INSYN2A: variants seen among roughly 807,000 people sequenced by gnomAD.
The protein encoded by INSYN2A is inhibitory synaptic factor 2A, also known as family with sequence similarity 196 member A.
INSYN2A carries 17 observed loss-of-function variants against 39.4 expected under a neutral mutation model. That is an observed-to-expected ratio of 0.43 (90% CI 0.30 to 0.65). INSYN2A has a LOEUF of 0.65. Among genes scored for constraint, INSYN2A ranks in the 30% least tolerant of loss-of-function variants. The probability of loss-of-function intolerance (pLI) is 0.14; values close to 1 mark genes in which losing one functional copy is unlikely to be tolerated. For missense variants in INSYN2A, 595 were observed against 631.2 expected (o/e 0.94, Z 0.61); for synonymous variants, 255 against 265.7 (o/e 0.96, Z 0.39).
At chr10:127,179,742 C>T (rs2055544674) in intron 2 of INSYN2A, among the ~76,000 whole-genome samples, 1 of 152,166 alleles carries the variant, frequency 6.6e-6, no homozygotes, top group South Asian at 2.1e-4. Flanking sequence ...CAAGTGGAAC[C>T]TTCTCCCACA....
intron 5 of INSYN2A, among the ~76,000 whole-genome samples, chr10:127,150,629 C>T (rs1314920796): frequency 6.6e-6 from 1 of 152,182 alleles, no homozygotes; most frequent in Non-Finnish European, 1.5e-5. Flanking sequence ...AGATTTGTTC[C>T]TGGACCTGTT....
chr10:127,182,272 T>A (rs2055808534), intron 2 of INSYN2A, among the ~76,000 whole-genome samples: 1 of 152,176 alleles, frequency 6.6e-6, no homozygotes, highest in South Asian at 2.1e-4. Context: ...CCCCCACTCA[T>A]GCATATCTGC....
intron 1 of INSYN2A, among the ~76,000 whole-genome samples, chr10:127,195,134 C>T (rs559486198): frequency 1.3e-5 from 2 of 152,316 alleles, no homozygotes; most frequent in Middle Eastern, 6.8e-3. Flanking sequence ...GCTGAGGTCA[C>T]AGGGAGCGGC....
At chr10:127,140,455 C>G (rs1014958680) in intron 5 of INSYN2A, among the ~76,000 whole-genome samples, 1 of 152,200 alleles carries the variant, frequency 6.6e-6, no homozygotes, top group African/African-American at 2.4e-5. Context: ...GCCCCCCAGC[C>G]CATCTCCCCA....
At chr10:127,154,181 G>C (rs1030154428) in intron 4 of INSYN2A, among the ~76,000 whole-genome samples, 2 of 152,122 alleles carry the variant, frequency 1.3e-5, no homozygotes, top group African/African-American at 4.8e-5. Context: ...ATATGATTTC[G>C]TTATAAGCAC....
chr10:127,176,091 C>G lies in INSYN2A; in HGVS notation c.305G>C (p.Ser102Thr). The change falls in exon 4 of 6, where the codon AGC (serine) becomes ACC (threonine). Residue 102 changes from serine (S) to threonine (T), a missense_variant. Physicochemically the swap from Ser to Thr is moderately conservative, Grantham distance 58. Around this residue, in one of 2 missense-constraint regions of INSYN2A, gnomAD observed 478 missense variants for 467.4 expected, o/e 1.02. Transcript: ENST00000522781. This position sits in a 1 kb window ranked among gnomAD's most constrained non-coding sequence, Gnocchi z 4.4. ...GTCGGGCGAGGTCTGCACGCCTGTG[C>G]TCTTGGTGACGTTGGGGATGGACCT... is the stretch of plus-strand genomic sequence containing the variant. ...ARRSIPNVTK[S>T]TGVQTSPDLK... 6.2e-7 allele frequency: 1 copy of G among 1,614,174 alleles called. No individual in the cohort carries two copies. Among genetic ancestry groups the G allele is most frequent in the Non-Finnish European group, 8.5e-7 (1 of 1,180,044 alleles).
At chr10:127,150,507 ACATAAGTGGTGCACC>A (rs1172905300) in intron 5 of INSYN2A, among the ~76,000 whole-genome samples, 1 of 152,164 alleles carries the variant, frequency 6.6e-6, no homozygotes, top group Non-Finnish European at 1.5e-5. Context: ...TCCTTTCACG[ACATAAGTGGTGCACC>A]CATGATGCTG....
chr10:127,145,632 C>T (rs1467898562), intron 5 of INSYN2A, among the ~76,000 whole-genome samples: 1 of 152,172 alleles, frequency 6.6e-6, no homozygotes, highest in Non-Finnish European at 1.5e-5. Flanking sequence ...CTGCCTGTCT[C>T]CTTTTGAAGA....
At chr10:127,169,989 G>C (rs1338803919) in intron 4 of INSYN2A, among the ~76,000 whole-genome samples, 1 of 151,976 alleles carries the variant, frequency 6.6e-6, no homozygotes, top group Non-Finnish European at 1.5e-5. Context: ...TGAACTCAGG[G>C]GGTTCCTTTA....
At chr10:127,150,695 A>G (rs758246730) in intron 5 of INSYN2A, among the ~76,000 whole-genome samples, 11 of 152,244 alleles carry the variant, frequency 7.2e-5, no homozygotes, top group African/African-American at 2.4e-4. Context: ...CATGCAAACC[A>G]CTGAGGCATG....
intron 5 of INSYN2A, among the ~76,000 whole-genome samples, chr10:127,140,028 G>A (rs115456269): frequency 2.0e-5 from 3 of 152,132 alleles, no homozygotes; most frequent in African/African-American, 7.2e-5. Flanking sequence ...GTATAGAAGC[G>A]TAATTCTACC....
intron 5 of INSYN2A, among the ~76,000 whole-genome samples, chr10:127,146,922 G>A (rs1592220341): frequency 6.6e-6 from 1 of 152,090 alleles, no homozygotes; most frequent in African/African-American, 2.4e-5. Context: ...TGTCTTGATC[G>A]TGCACTATCC....
intron 2 of INSYN2A, among the ~76,000 whole-genome samples, chr10:127,177,807 C>T (rs1345730883): frequency 6.6e-6 from 1 of 152,226 alleles, no homozygotes; most frequent in South Asian, 2.1e-4. Context: ...ATGCTCTGCT[C>T]GTTCACATAC....
intron 2 of INSYN2A, among the ~76,000 whole-genome samples, chr10:127,183,572 C>T (rs1250132951): frequency 6.6e-5 from 10 of 152,174 alleles, no homozygotes; most frequent in South Asian, 4.1e-4. Context: ...TCCATGTACA[C>T]AATCCTAACC....
chr10:127,171,730 G>A (rs1398831736), intron 4 of INSYN2A, among the ~76,000 whole-genome samples: 1 of 152,136 alleles, frequency 6.6e-6, no homozygotes, highest in Non-Finnish European at 1.5e-5. Context: ...TTGAGATGGA[G>A]TCTCGCTCTG....
At position 127,136,115 on chromosome 10, in the gene INSYN2A, T is replaced by A. The variant is rs1256541209; in HGVS notation, c.*1722A>T. The A allele has an allele frequency of 6.6e-6, 1 of 152,444 alleles. No individual in the cohort carries two copies. Among genetic ancestry groups the A allele is most frequent in the Non-Finnish European group, 1.5e-5 (1 of 68,048 alleles). The allele number at this position is 152,444 out of a possible 1,614,324, so 9.4% of individuals were successfully genotyped here. On this transcript the variant is annotated 3_prime_UTR_variant, in exon 6 of 6. Coordinates refer to ENST00000522781, the MANE Select transcript of INSYN2A (RefSeq NM_001039762.3). ...CGCAGAGGATGTGTGTGTGCACATG[T>A]GTGTTTTAAATTAAAGCATACAACT...
rs769296400 is a variant in INSYN2A at position 127,136,869 on chromosome 10, C to T, written c.*968G>A. On this transcript the variant is annotated 3_prime_UTR_variant, in exon 6 of 6. Transcript: ENST00000522781. ...ACAAAGCATAACGAATTGTACATAA[C>T]GTCTGGCTGCACTTACCATGGCTAA... The T allele has an allele frequency of 6.6e-5, 10 of 152,502 alleles. No homozygotes were observed. The highest frequency in any genetic ancestry group is 1.0e-4 in the Non-Finnish European group (7 of 68,026). The allele number at this position is 152,502 out of a possible 1,614,324, so 9.4% of individuals were successfully genotyped here.
chr10:127,152,918 G>A lies in INSYN2A; in HGVS notation c.1256+934C>T, dbSNP rs182399072. 1.9e-4 allele frequency among the ~76,000 whole-genome samples: 29 copies of A among 152,262 alleles called. No individual in the cohort carries two copies. The East Asian group carries it at 5.0e-3, about 26-fold the overall frequency. On this transcript the variant is annotated intron_variant, in intron 5 of 5. Transcript: ENST00000522781. ...CTCTGTCTGGATCGGAGGCATGGACGGCCAGGTCTAGGCTTTCCCTTGGGA... is the reference window on the plus strand; with the variant it reads ...CTCTGTCTGGATCGGAGGCATGGACAGCCAGGTCTAGGCTTTCCCTTGGGA...
At chr10:127,189,013 G>A (rs527930077) in intron 2 of INSYN2A, among the ~76,000 whole-genome samples, 1 of 152,298 alleles carries the variant, frequency 6.6e-6, no homozygotes, top group South Asian at 2.1e-4. Flanking sequence ...GGCTCAGGTG[G>A]TCGGCTCCTA....
Sources: allele counts gnomAD v4.1 joint callset (sites outside exome capture counted in the v4.1 genomes callset), GRCh38; gene constraint gnomAD v4.1.1; regional missense constraint gnomAD v4.1.1; non-coding constraint Gnocchi (gnomAD v3.1); transcripts MANE v1.5; gene names NCBI Gene and HGNC (gene_info 2026-07-23, HGNC 2026-07-21).